Variants in ANKRD50 observed in about 807,000 individuals in gnomAD.
ANKRD50 encodes ankyrin repeat domain 50, also known as ankyrin repeat domain-containing protein 50.
A neutral mutation model predicts 112.0 loss-of-function variants in ANKRD50; 40 were observed. The observed-to-expected ratio is 0.36, with a 90% CI of 0.28 to 0.46. The LOEUF (loss-of-function observed/expected upper bound fraction) is 0.46. ANKRD50 is among the 20% of genes least tolerant of loss of function. The pLI, the probability that ANKRD50 is intolerant of heterozygous loss-of-function variation, is 1.00. For synonymous variants in ANKRD50, 613 were observed against 619.1 expected (o/e 0.99, Z 0.15); for missense variants, 1,487 against 1,701.7 (o/e 0.87, Z 2.22).
chr4:124,699,689 CAA>C (rs767425546), intron 2 of ANKRD50, among the ~76,000 whole-genome samples: 28 of 150,488 alleles, frequency 1.9e-4, no homozygotes, highest in Non-Finnish European at 3.8e-4. Context: ...ATGTAAATTT[CAA>C]AAGATACAAA....
intron 2 of ANKRD50, among the ~76,000 whole-genome samples, chr4:124,697,455 A>G (rs1725279272): frequency 6.6e-6 from 1 of 152,162 alleles, no homozygotes; most frequent in Admixed American, 6.5e-5. Flanking sequence ...GTAGATTAAT[A>G]TGTTTCTCTT....
At chr4:124,697,516 A>T (rs1328103046) in intron 2 of ANKRD50, among the ~76,000 whole-genome samples, 1 of 152,168 alleles carries the variant, frequency 6.6e-6, no homozygotes, top group Non-Finnish European at 1.5e-5. Flanking sequence ...CAGGTAAGTT[A>T]TAAAGAGTGA....
rs569222693 is a variant in ANKRD50, at chr4:124,668,969, T to C, written c.*3+15A>G. 2.5e-6 allele frequency: 4 copies of C among 1,587,188 alleles called. No homozygotes were observed. In the South Asian group the frequency reaches 4.7e-5, roughly 19 times the overall value. Reference sequence around the variant, plus strand: ...CTACTTTTGTTTTTTACTCTTTATGTTGACAAAATATTACCTTTTATAATG... The same window carrying C: ...CTACTTTTGTTTTTTACTCTTTATGCTGACAAAATATTACCTTTTATAATG... On this transcript the variant is annotated intron_variant, in intron 4 of 4. Transcript: ENST00000504087.
intron 2 of ANKRD50, among the ~76,000 whole-genome samples, chr4:124,688,702 A>G (rs528915452): frequency 6.6e-5 from 10 of 152,260 alleles, no homozygotes; most frequent in African/African-American, 2.4e-4. Context: ...GTTCTTCTGA[A>G]CAGACCAATG....
At position 124,670,212 on chromosome 4, in the gene ANKRD50, T is replaced by C; in HGVS notation, c.3065A>G (p.Gln1022Arg). 1.2e-6 allele frequency: 2 copies of C among 1,613,296 alleles called. No homozygotes were observed. The highest frequency in any genetic ancestry group is 1.7e-6 in the Non-Finnish European group (2 of 1,179,730). ...AAGCTGAACCACTTTTACATGGCCC[T>C]GCCAGGCTGCAGACTGCAAAGCAGA... is the stretch of plus-strand genomic sequence containing the variant. ...KRSALQSAAW[Q>R]GHVKVVQLLI... Residue 1022 changes from glutamine (Q) to arginine (R), a missense_variant, in exon 4 of 5, where the codon CAG becomes CGG. Gln to Arg is a conservative substitution (Grantham distance 43). Around this residue, in one of 2 missense-constraint regions of ANKRD50, gnomAD observed 1,046 missense variants for 1,269.5 expected, o/e 0.82. Coordinates refer to ENST00000504087, the MANE Select transcript of ANKRD50 (RefSeq NM_020337.3).
chr4:124,697,303 C>G (rs1482772164), intron 2 of ANKRD50, among the ~76,000 whole-genome samples: 1 of 151,982 alleles, frequency 6.6e-6, no homozygotes, highest in Non-Finnish European at 1.5e-5. Context: ...AAAGAAAAGC[C>G]AAGATTTTAA....
In ANKRD50 at chr4:124,710,044, T is replaced by G; in HGVS notation, c.468A>C (p.Leu156Phe). 6.2e-7 allele frequency: 1 copy of G among 1,614,186 alleles called. No homozygotes were observed. The highest frequency in any genetic ancestry group is 8.5e-7 in the Non-Finnish European group (1 of 1,180,030). The change falls in exon 2 of 5, where the codon TTA becomes TTC. Residue 156 changes from leucine to phenylalanine, a missense_variant. Transcript: ENST00000504087. Reference protein sequence around the residue: ...KLRDPAVQSLLQPGECERNPA... With the variant: ...KLRDPAVQSLFQPGECERNPA... ...GGTTTCTCTCGCACTCCCCAGGCTGTAAGAGGCTTTGGACTGCTGGATCCC... is the reference window on the plus strand; with the variant it reads ...GGTTTCTCTCGCACTCCCCAGGCTGGAAGAGGCTTTGGACTGCTGGATCCC...
Position 124,664,937 on chromosome 4 carries a change from CATG to C in ANKRD50, c.*2578_*2580del. On this transcript the variant is annotated 3_prime_UTR_variant, in exon 5 of 5. Coordinates refer to ENST00000504087, the MANE Select transcript of ANKRD50 (RefSeq NM_020337.3). Reference sequence around the variant, plus strand: ...TTTATCACTTTCCTTATTATAAACTCATGATATTTAGGGAATAGACACAGACGG... The same window carrying C: ...TTTATCACTTTCCTTATTATAAACTCATATTTAGGGAATAGACACAGACGG... 1 of 151,810 alleles carries C rather than the reference CATG, an allele frequency of 6.6e-6. No homozygotes were observed. Among genetic ancestry groups the C allele is most frequent in the Non-Finnish European group, 1.5e-5 (1 of 67,810 alleles). The allele number at this position is 151,810 out of a possible 1,614,324, so 9.4% of individuals were successfully genotyped here.
intron 2 of ANKRD50, among the ~76,000 whole-genome samples, chr4:124,706,233 A>G (rs1386912890): frequency 6.6e-6 from 1 of 152,132 alleles, no homozygotes; most frequent in Non-Finnish European, 1.5e-5. Context: ...TTAATAAATA[A>G]CGCAAATGAA....
chr4:124,667,913 G>A (rs1300487661), intron 4 of ANKRD50, among the ~76,000 whole-genome samples: 1 of 151,722 alleles, frequency 6.6e-6, no homozygotes, highest in African/African-American at 2.4e-5. Context: ...GAATATATGA[G>A]GAATTTATCT....
intron 3 of ANKRD50, among the ~76,000 whole-genome samples, chr4:124,677,526 T>C (rs1241599900): frequency 2.0e-5 from 3 of 151,846 alleles, no homozygotes; most frequent in Admixed American, 6.6e-5. Flanking sequence ...CAAATAATAA[T>C]AGCAACGATA....
At chr4:124,681,237 A>C (rs1724878690) in intron 2 of ANKRD50, among the ~76,000 whole-genome samples, 1 of 152,218 alleles carries the variant, frequency 6.6e-6, no homozygotes, top group African/African-American at 2.4e-5. Flanking sequence ...TAAGTACTTC[A>C]CACATCCATT....
rs1480195291 is a variant in ANKRD50 at position 124,671,151 on chromosome 4, T to C, written c.2126A>G (p.Asp709Gly). Residue 709 changes from aspartate to glycine, a missense_variant, in exon 4 of 5, where the codon GAT (aspartate) becomes GGT (glycine). Coordinates refer to ENST00000504087, the MANE Select transcript of ANKRD50 (RefSeq NM_020337.3). ...AGCTACAGAGAGTGCAGTCCTGCCA[T>C]CAACATCCTCATGATTTACTTCTGC... Reference protein sequence around the residue: ...HGAEVNHEDVDGRTALSVAAL... With the variant: ...HGAEVNHEDVGGRTALSVAAL... 6.2e-7 allele frequency: 1 copy of C among 1,613,788 alleles called. No individual in the cohort carries two copies. The highest frequency in any genetic ancestry group is 1.3e-5 in the African/African-American group (1 of 74,888).
At chr4:124,682,416 C>G (rs1174763069) in intron 2 of ANKRD50, among the ~76,000 whole-genome samples, 2 of 149,226 alleles carry the variant, frequency 1.3e-5, no homozygotes, top group African/African-American at 5.0e-5. Flanking sequence ...GATTCGGTAA[C>G]AGTATTGTCC....
At chr4:124,712,200 G>A (rs916389715) in intron 1 of ANKRD50, among the ~76,000 whole-genome samples, 2 of 151,952 alleles carry the variant, frequency 1.3e-5, no homozygotes, top group Non-Finnish European at 2.9e-5. Flanking sequence ...TCTTTTGAAG[G>A]GGGAGGGGGT....
chr4:124,671,850 A>G lies in ANKRD50; in HGVS notation c.1427T>C (p.Ile476Thr), dbSNP rs763680320. 6.2e-7 allele frequency: 1 copy of G among 1,613,892 alleles called. No individual in the cohort carries two copies. Among genetic ancestry groups the G allele is most frequent in the Admixed American group, 1.7e-5 (1 of 59,974 alleles). The change falls in exon 4 of 5, where the codon ATA (isoleucine) becomes ACA (threonine). Residue 476 changes from isoleucine to threonine, a missense_variant. Physicochemically the swap from Ile to Thr is moderately conservative, Grantham distance 89 (BLOSUM62 -1). Transcript: ENST00000504087. Reference sequence around the variant, plus strand: ...ATCTCTGACAGGTGTACCATTCCATATCATCCACAGAGCTAACTCCGCTGT... The same window carrying G: ...ATCTCTGACAGGTGTACCATTCCATGTCATCCACAGAGCTAACTCCGCTGT... ...LETAELALWMIWNGTPVRDSL... is the reference protein window; with the variant it reads ...LETAELALWMTWNGTPVRDSL...
At chr4:124,703,382 G>A (rs770991024) in intron 2 of ANKRD50, among the ~76,000 whole-genome samples, 1 of 152,108 alleles carries the variant, frequency 6.6e-6, no homozygotes, top group African/African-American at 2.4e-5. Flanking sequence ...AGGAAGCAGC[G>A]CTTGCACATA....
intron 2 of ANKRD50, among the ~76,000 whole-genome samples, chr4:124,696,225 TATA>T (rs1330186400): frequency 6.6e-6 from 1 of 151,658 alleles, no homozygotes; most frequent in Non-Finnish European, 1.5e-5. Context: ...CCAAAAAAAA[TATA>T]ATATTTGACA....
rs138695266 is a variant in ANKRD50 at position 124,671,576 on chromosome 4, C to G, written c.1701G>C (p.Arg567Ser). The G allele has an allele frequency of 6.2e-7, 1 of 1,613,768 alleles. No homozygotes were observed. The highest frequency in any genetic ancestry group is 1.3e-5 in the African/African-American group (1 of 74,986). Reference protein sequence around the residue: ...SLDVVNLLVSRGADLEIEDAH... With the variant: ...SLDVVNLLVSSGADLEIEDAH... ...CATCTTCTATCTCTAAATCTGCTCC[C>G]CTAGAGACAAGTAAATTGACTACAT... is the stretch of plus-strand genomic sequence containing the variant. Residue 567 changes from arginine to serine, a missense_variant, in exon 4 of 5, where the codon AGG becomes AGC. Around this residue, in one of 2 missense-constraint regions of ANKRD50, gnomAD observed 1,046 missense variants for 1,269.5 expected, o/e 0.82. Coordinates refer to ENST00000504087, the MANE Select transcript of ANKRD50 (RefSeq NM_020337.3).
Sources: gnomAD v4.1 joint callset for allele counts (sites outside exome capture counted in the v4.1 genomes callset) on GRCh38, gnomAD v4.1.1 for gene constraint, gnomAD v4.1.1 regional missense constraint, MANE v1.5 for transcripts, NCBI Gene and HGNC (gene_info 2026-07-23, HGNC 2026-07-21) for gene names.